Variants in TNPO1 observed in about 807,000 individuals in gnomAD.
TNPO1 encodes transportin 1.
In TNPO1, 8 loss-of-function variants were observed where a neutral mutation model predicts 119.5. The observed-to-expected ratio is 0.07, with a 90% confidence interval of 0.04 to 0.12. The LOEUF is 0.12. Ranked by LOEUF, TNPO1 falls within the 10% of genes least tolerant of loss-of-function variation. The pLI is 1.00. For missense variants in TNPO1, 576 were observed against 1,089.8 expected (o/e 0.53, Z 6.64); for synonymous variants, 362 against 363.0 (o/e 1.00, Z 0.03).
rs755423442 is a variant in TNPO1 at position 72,893,520 on chromosome 5, G to A, written c.2040G>A (p.Met680Ile). 14 of 1,614,190 alleles carry A rather than the reference G, an allele frequency of 8.7e-6. No individual in the cohort carries two copies. The highest frequency in any genetic ancestry group is 1.2e-5 in the Non-Finnish European group (14 of 1,180,030). ...LVARSNILTL[M>I]YQCMQDKMPE... ...CCCGAAGTAACATCCTGACACTAAT[G>A]TATCAGTGCATGCAGGTGAGACTTG... Residue 680 changes from methionine to isoleucine, a missense_variant, in exon 17 of 25, where the codon ATG becomes ATA. By Grantham distance (10) the Met-to-Ile change is conservative. Transcript: ENST00000337273.
At chr5:72,904,951 G>T (rs1750040354) in intron 23 of TNPO1, among the ~76,000 whole-genome samples, 2 of 152,180 alleles carry the variant, frequency 1.3e-5, no homozygotes. Context: ...GAAAGAGAAT[G>T]AGAATCAAGT....
intron 1 of TNPO1, among the ~76,000 whole-genome samples, chr5:72,834,064 A>G (rs765150387): frequency 6.6e-6 from 1 of 152,158 alleles, no homozygotes; most frequent in Non-Finnish European, 1.5e-5. Flanking sequence ...CCATAAGATT[A>G]TGATAGAGAG....
chr5:72,851,165 C>G, intron 2 of TNPO1, 79 bp from the exon 3 acceptor site: 1 of 863,460 alleles, frequency 1.2e-6, no homozygotes. Context: ...CCAAAGAGAT[C>G]CTTGATTTTT....
At chr5:72,848,767 C>A (rs1447156437) in intron 2 of TNPO1, among the ~76,000 whole-genome samples, 26 of 147,776 alleles carry the variant, frequency 1.8e-4, no homozygotes, top group African/African-American at 6.3e-4. Context: ...GAGGCGGGGG[C>A]CCCCGGCCGC....
At chr5:72,861,944 G>A (rs772369529) in intron 5 of TNPO1, 30 bp downstream of exon 5, 42 of 1,537,590 alleles carry the variant, frequency 2.7e-5, no homozygotes, top group African/African-American at 1.2e-4. Flanking sequence ...ACATAATTGG[G>A]TGTTTTCTGT....
chr5:72,896,949 A>C (rs1749476731), intron 19 of TNPO1, 107 bp from the exon 20 acceptor site: 1 of 512,198 alleles, frequency 2.0e-6, no homozygotes, highest in Admixed American at 3.9e-5. Context: ...GTATTTCTAT[A>C]TTTATATGAC....
chr5:72,897,808 G>A (rs781594333), intron 20 of TNPO1, among the ~76,000 whole-genome samples: 9 of 151,554 alleles, frequency 5.9e-5, no homozygotes, highest in Non-Finnish European at 8.8e-5. Context: ...TTTTCATTCA[G>A]GCACATTCCT....
intron 1 of TNPO1, among the ~76,000 whole-genome samples, chr5:72,824,933 C>T (rs1207999120): frequency 5.3e-5 from 8 of 152,220 alleles, no homozygotes; most frequent in African/African-American, 1.9e-4. Flanking sequence ...GCTTTACCCA[C>T]AGACTCTCCC....
At chr5:72,816,814 C>T (rs1292141397) in intron 1 of TNPO1, 62 bp downstream of exon 1, 2 of 1,535,216 alleles carry the variant, frequency 1.3e-6, no homozygotes, top group Non-Finnish European at 1.8e-6. Flanking sequence ...CTGGGAGCGC[C>T]GAGCTGCCTG....
intron 24 of TNPO1, among the ~76,000 whole-genome samples, chr5:72,906,275 CTTTTTTT>C (rs869051297): frequency 0.027 from 1,481 of 54,652 alleles, 291 homozygotes; most frequent in Admixed American, 0.041. Flanking sequence ...TTTTTTTTTT[CTTTTTTT>C]TTTTTTTTTT....
At chr5:72,871,868 A>G (rs1037080841) in intron 6 of TNPO1, 4 of 152,242 alleles carry the variant, frequency 2.6e-5, no homozygotes, top group African/African-American at 9.6e-5. Context: ...CATGGAGCCA[A>G]ATTTAGCCCA....
chr5:72,880,998 C>T (rs1294353125), intron 9 of TNPO1, among the ~76,000 whole-genome samples: 1 of 151,998 alleles, frequency 6.6e-6, no homozygotes, highest in African/African-American at 2.4e-5. Flanking sequence ...CTCATTTTTT[C>T]TTATTTGCCC....
Position 72,911,576 on chromosome 5 carries a change from C to T in TNPO1, c.*2903C>T, listed in dbSNP as rs991995369. 6.6e-6 allele frequency: 1 copy of T among 152,486 alleles called. No individual in the cohort carries two copies. Among genetic ancestry groups the T allele is most frequent in the Non-Finnish European group, 1.5e-5 (1 of 67,934 alleles). The allele number at this position is 152,486 out of a possible 1,614,324, so 9.4% of individuals were successfully genotyped here. A position where few individuals can be genotyped will look rare whatever the true frequency, so the allele number is the denominator to read the frequency against. Reference sequence around the variant, plus strand: ...AATACATCATGGGATATATATAAAGCAACTTAATTCTTGTGGTGTAGTCTT... The same window carrying T: ...AATACATCATGGGATATATATAAAGTAACTTAATTCTTGTGGTGTAGTCTT... On this transcript the variant is annotated 3_prime_UTR_variant, in exon 25 of 25. Coordinates refer to ENST00000337273, the MANE Select transcript of TNPO1 (RefSeq NM_002270.4).
intron 1 of TNPO1, among the ~76,000 whole-genome samples, chr5:72,820,861 A>C (rs1424228097): frequency 6.6e-6 from 1 of 152,206 alleles, no homozygotes; most frequent in Non-Finnish European, 1.5e-5. Flanking sequence ...TTAGAAAAAG[A>C]AAATCTTTAC....
intron 5 of TNPO1, 56 bp from the exon 6 acceptor site, chr5:72,865,540 T>C (rs1209987742): frequency 1.0e-5 from 16 of 1,590,280 alleles, no homozygotes; most frequent in Non-Finnish European, 1.3e-5. Context: ...CTTCAGTTTG[T>C]TTTCAAATGG....
rs1041865474 is a variant in TNPO1 at position 72,893,032 on chromosome 5, A to T, written c.1789-107A>T. The T allele has an allele frequency of 4.0e-5, 32 of 805,614 alleles. No individual in the cohort carries two copies. In the African/African-American group the frequency reaches 5.3e-4, roughly 13 times the overall value. The allele number at this position is 805,614 out of a possible 1,614,324, so 49.9% of individuals were successfully genotyped here. On this transcript the variant is annotated intron_variant, in intron 15 of 24. Transcript: ENST00000337273. ...GGAACCTGCTACTGTAGAAACTAGT[A>T]GAGCAAGCTCATAAATGATCAGGAT...
intron 22 of TNPO1, among the ~76,000 whole-genome samples, chr5:72,901,699 C>T (rs1386523116): frequency 6.6e-6 from 1 of 152,166 alleles, no homozygotes; most frequent in Admixed American, 6.5e-5. Flanking sequence ...CATGTATATT[C>T]AGTGAACAAA....
Position 72,887,107 on chromosome 5 carries a change from T to C in TNPO1, c.1188T>C (p.Asn396=), listed in dbSNP as rs1748708572. 2 of 1,613,568 alleles carry C rather than the reference T, an allele frequency of 1.2e-6. No homozygotes were observed. The highest frequency in any genetic ancestry group is 1.7e-6 in the Non-Finnish European group (2 of 1,179,642). Residue 396 remains asparagine, a synonymous_variant, in exon 12 of 25, where the codon AAT becomes AAC. Coordinates refer to ENST00000337273, the MANE Select transcript of TNPO1 (RefSeq NM_002270.4). ...CTGCTGCCCTGGATGTTCTTGCAAA[T>C]GTGTATCGTGATGAACTGCTGCCAC... ...CSAAALDVLA[N]VYRDELLPHI...
chr5:72,857,139 A>T (rs929257439), intron 4 of TNPO1, among the ~76,000 whole-genome samples: 10 of 151,984 alleles, frequency 6.6e-5, no homozygotes, highest in African/African-American at 2.4e-4. Flanking sequence ...GACATGGTAA[A>T]ACCCTGTCTC....
Sources: allele counts gnomAD v4.1 joint callset (sites outside exome capture counted in the v4.1 genomes callset), GRCh38; gene constraint gnomAD v4.1.1; transcripts MANE v1.5; gene names NCBI Gene and HGNC (gene_info 2026-07-23, HGNC 2026-07-21).